The following MPDU1 variants were observed in gnomAD, a reference collection of about 807,000 sequenced individuals.
MPDU1 encodes the protein mannose-P-dolichol utilization defect 1, also known as mannose-P-dolichol utilization defect 1 protein.
MPDU1 carries 18 observed loss-of-function variants against 27.6 expected under a neutral mutation model. The observed-to-expected ratio is 0.65, with a 90% CI of 0.45 to 0.97. MPDU1 has a LOEUF of 0.97. MPDU1 is among the 50% of genes least tolerant of loss of function. The pLI is 0.00. For missense variants in MPDU1, 279 were observed against 297.4 expected (o/e 0.94, Z 0.46); for synonymous variants, 142 against 131.1 (o/e 1.08, Z -0.57).
At position 7,586,778 on chromosome 17, in the gene MPDU1, G is replaced by T. The variant is rs1192077907; in HGVS notation, c.388+1G>T. 2 of 1,614,086 alleles carry T rather than the reference G, an allele frequency of 1.2e-6. No homozygotes were observed. The highest frequency in any genetic ancestry group is 8.5e-7 in the Non-Finnish European group (1 of 1,179,988). Reference sequence around the variant, plus strand: ...CACTACAGAGGACAGACTGTGAAAGGTGCTGGGGACTTACCCAAGAGCAGG... The same window carrying T: ...CACTACAGAGGACAGACTGTGAAAGTTGCTGGGGACTTACCCAAGAGCAGG... On this transcript the variant is annotated splice_donor_variant, in intron 4 of 6. Coordinates refer to ENST00000250124, the MANE Select transcript of MPDU1 (RefSeq NM_004870.4). LOFTEE classifies it high-confidence loss of function.
In MPDU1 at chr17:7,586,895, C is replaced by A. The variant is rs752756418; in HGVS notation, c.389-4C>A. 1 of 1,613,830 alleles carries A rather than the reference C, an allele frequency of 6.2e-7. No individual in the cohort carries two copies. Among genetic ancestry groups the A allele is most frequent in the Non-Finnish European group, 8.5e-7 (1 of 1,179,946 alleles). On this transcript the variant is annotated splice_polypyrimidine_tract_variant and splice_region_variant and intron_variant, in intron 4 of 6. Transcript: ENST00000250124. ...GACAAGGACTCCTGTCTCCCCACCC[C>A]TAGGTGTCGCTTTCCTCGCTTGCTA...
rs1372905442 is a variant in MPDU1, at chr17:7,587,555, C to T, written c.*4C>T. ...CAAGCAGAAAAAGGCGCAGTAGAGC[C>T]AGCTACTGGAGTCATTCCGTTTCCA... On this transcript the variant is annotated 3_prime_UTR_variant, in exon 7 of 7. Transcript: ENST00000250124. The T allele has an allele frequency of 1.9e-6, 3 of 1,613,626 alleles. No homozygotes were observed. In the South Asian group the frequency reaches 3.3e-5, roughly 18 times the overall value.
rs149675859 is a variant in MPDU1, at chr17:7,587,190, C to T, written c.537C>T (p.Asn179=). Residue 179 remains asparagine, a synonymous_variant, in exon 6 of 7, where the codon AAC becomes AAT. Transcript: ENST00000250124. The part of the protein sequence containing the change: ...RLLQAATNYH[N]GHTGQLSAIT... ...TCCAGGCAGCCACCAACTACCACAA[C>T]GGGCACACAGGCCAGCTCTCAGCCA... 121 of 1,614,112 alleles carry T rather than the reference C, an allele frequency of 7.5e-5. No homozygotes were observed. In the African/African-American group the frequency reaches 1.2e-3, roughly 16 times the overall value.
intron 3 of MPDU1, 27 bp downstream of exon 3, chr17:7,586,105 G>T (rs1188380051): frequency 1.2e-6 from 2 of 1,612,324 alleles, no homozygotes; most frequent in Admixed American, 1.7e-5. Context: ...TCCACCCCAA[G>T]GGTAATACCC....
In MPDU1 at chr17:7,586,092, C is replaced by T; in HGVS notation, c.302+14C>T. 2 of 1,612,968 alleles carry T rather than the reference C, an allele frequency of 1.2e-6. No homozygotes were observed. Among genetic ancestry groups the T allele is most frequent in the Non-Finnish European group, 1.7e-6 (2 of 1,179,922 alleles). On this transcript the variant is annotated intron_variant, in intron 3 of 6. Coordinates refer to ENST00000250124, the MANE Select transcript of MPDU1 (RefSeq NM_004870.4). ...CTTCCCATTCAGGTGAGGGGCCCACCCTTCCACCCCAAGGGTAATACCCAC... is the reference window on the plus strand; with the variant it reads ...CTTCCCATTCAGGTGAGGGGCCCACTCTTCCACCCCAAGGGTAATACCCAC...
At position 7,586,733 on chromosome 17, in the gene MPDU1, C is replaced by T. The variant is rs1393349083; in HGVS notation, c.344C>T (p.Thr115Ile). The T allele has an allele frequency of 1.2e-6, 2 of 1,614,046 alleles. No homozygotes were observed. The highest frequency in any genetic ancestry group is 2.7e-5 in the African/African-American group (2 of 74,910). The change falls in exon 4 of 7, where the codon ACC (threonine) becomes ATC (isoleucine). Residue 115 changes from threonine to isoleucine, a missense_variant. Transcript: ENST00000250124. ...EALFLMLQTI[T>I]ICFLVMHYRG... ...TTATTCCTGATGCTCCAGACGATCA[C>T]CATCTGCTTCCTGGTCATGCACTAC...
chr17:7,586,558 G>A (rs992558758), intron 3 of MPDU1, 134 bp from the exon 4 acceptor site: 4 of 806,262 alleles, frequency 5.0e-6, no homozygotes, highest in African/African-American at 3.4e-5. Flanking sequence ...CCACGATTCA[G>A]AATGAGCCAG....
At chr17:7,584,389 C>G in intron 1 of MPDU1, 4 of 374,884 alleles carry the variant, frequency 1.1e-5, no homozygotes, top group Non-Finnish European at 2.0e-5. Context: ...TGCTCATAGT[C>G]TGATTTCGGA....
chr17:7,587,706 T>C lies in MPDU1; in HGVS notation c.*155T>C. ...GTTTTCTTTTAGTGGAAACAAATGGTTGATGGATCCAGATCCTTAGAAAAG... is the reference window on the plus strand; with the variant it reads ...GTTTTCTTTTAGTGGAAACAAATGGCTGATGGATCCAGATCCTTAGAAAAG... On this transcript the variant is annotated 3_prime_UTR_variant, in exon 7 of 7. Transcript: ENST00000250124. The C allele has an allele frequency of 9.1e-7, 1 of 1,098,516 alleles. No homozygotes were observed. Among genetic ancestry groups the C allele is most frequent in the Non-Finnish European group, 1.3e-6 (1 of 743,624 alleles). The allele number at this position is 1,098,516 out of a possible 1,614,324, so 68.0% of individuals were successfully genotyped here. A position where few individuals can be genotyped will look rare whatever the true frequency, so the allele number is the denominator to read the frequency against.
chr17:7,587,537 A>T lies in MPDU1; in HGVS notation c.730A>T (p.Lys244Ter). The T allele has an allele frequency of 6.2e-7, 1 of 1,612,982 alleles. No homozygotes were observed. The highest frequency in any genetic ancestry group is 1.3e-5 in the African/African-American group (1 of 74,824). Residue 244 changes from lysine (K) to a stop codon, truncating the protein, a stop_gained, in exon 7 of 7, where the codon AAA becomes TAA. Coordinates refer to ENST00000250124, the MANE Select transcript of MPDU1 (RefSeq NM_004870.4). LOFTEE classifies it high-confidence loss of function. ...YWNAKPPHKQ[K>*]KAQ ...GAATGCAAAGCCTCCCCACAAGCAG[A>T]AAAAGGCGCAGTAGAGCCAGCTACT...
chr17:7,585,679 C>T, intron 1 of MPDU1, 53 bp from the exon 2 acceptor site: 2 of 1,583,434 alleles, frequency 1.3e-6, no homozygotes, highest in Non-Finnish European at 1.7e-6. Context: ...GCTTCAAGCC[C>T]TGGCCTGGGT....
Position 7,587,801 on chromosome 17 carries a change from G to A in MPDU1, c.*250G>A. On this transcript the variant is annotated 3_prime_UTR_variant, in exon 7 of 7. Transcript: ENST00000250124. ...GAGTGCTTTCGTAAGCCCTGTACATGTACTATTAATTCAGTCATTCAGCCA... is the reference window on the plus strand; with the variant it reads ...GAGTGCTTTCGTAAGCCCTGTACATATACTATTAATTCAGTCATTCAGCCA... The A allele has an allele frequency of 1.6e-6, 1 of 609,570 alleles. No homozygotes were observed. Among genetic ancestry groups the A allele is most frequent in the Non-Finnish European group, 3.1e-6 (1 of 327,228 alleles). 37.8% of individuals were successfully genotyped at this position (609,570 alleles called of 1,614,324 possible).
Position 7,583,928 on chromosome 17 carries a change from C to G in MPDU1, c.66C>G (p.Cys22Trp), listed in dbSNP as rs1388629959. ...TGCCGATTCTTTTACCTGAGAAATG[C>G]TACGACCAACTTTTCGTTCAGTGGG... ...LLVPILLPEKCYDQLFVQWDL... is the reference protein window; with the variant it reads ...LLVPILLPEKWYDQLFVQWDL... The change falls in exon 1 of 7, where the codon TGC becomes TGG. Residue 22 changes from cysteine to tryptophan, a missense_variant. Physicochemically the swap from Cys to Trp is radical, Grantham distance 215. Transcript: ENST00000250124. The G allele has an allele frequency of 2.5e-6, 4 of 1,614,238 alleles. No homozygotes were observed. The highest frequency in any genetic ancestry group is 3.4e-6 in the Non-Finnish European group (4 of 1,180,056).
rs566030367 is a variant in MPDU1 at position 7,586,676 on chromosome 17, A to G, written c.303-16A>G. The G allele has an allele frequency of 8.7e-6, 14 of 1,612,814 alleles. No individual in the cohort carries two copies. The highest frequency in any genetic ancestry group is 2.7e-5 in the African/African-American group (2 of 74,776). ...TCTAGGCCCGCCTTTCTTCCTCCCAACTCTTGACTCTGCAGCTCTTGGGGT... is the reference window on the plus strand; with the variant it reads ...TCTAGGCCCGCCTTTCTTCCTCCCAGCTCTTGACTCTGCAGCTCTTGGGGT... On this transcript the variant is annotated splice_polypyrimidine_tract_variant and intron_variant, in intron 3 of 6. Coordinates refer to ENST00000250124, the MANE Select transcript of MPDU1 (RefSeq NM_004870.4).
intron 1 of MPDU1, among the ~76,000 whole-genome samples, chr17:7,584,621 C>CAGGG (rs2150934032): frequency 6.6e-6 from 1 of 152,314 alleles, no homozygotes; most frequent in East Asian, 1.9e-4. Context: ...TGTGGATGGC[C>CAGGG]AGGGCATAAA....
Position 7,588,055 on chromosome 17 carries a change from A to G in MPDU1, c.*504A>G, listed in dbSNP as rs2071615090. On this transcript the variant is annotated 3_prime_UTR_variant, in exon 7 of 7. Coordinates refer to ENST00000250124, the MANE Select transcript of MPDU1 (RefSeq NM_004870.4). Reference sequence around the variant, plus strand: ...AAGGGGGACGGAGAATGACTCAGGCAGGGCCCCAGGGTGGGGTGAGGAGGT... The same window carrying G: ...AAGGGGGACGGAGAATGACTCAGGCGGGGCCCCAGGGTGGGGTGAGGAGGT... 1.9e-6 allele frequency: 1 copy of G among 522,750 alleles called. No individual in the cohort carries two copies. The highest frequency in any genetic ancestry group is 3.7e-6 in the Non-Finnish European group (1 of 271,996). The allele number at this position is 522,750 out of a possible 1,614,324, so 32.4% of individuals were successfully genotyped here.
intron 5 of MPDU1, 45 bp downstream of exon 5, chr17:7,587,062 G>T: frequency 6.6e-7 from 1 of 1,526,104 alleles, no homozygotes; most frequent in Non-Finnish European, 9.1e-7. Context: ...GGGCAGGGTG[G>T]GGGGGAAGAG....
chr17:7,584,618 G>C lies in MPDU1; in HGVS notation c.103+653G>C, dbSNP rs551597121. On this transcript the variant is annotated intron_variant, in intron 1 of 6. Transcript: ENST00000250124. ...CTTCAAGGCTAGAGAAGTTGTGGAT[G>C]GCCAGGGCATAAAAGCAAGCCTTGA... Among the ~76,000 whole-genome samples, 5 of 152,316 alleles carry C rather than the reference G, an allele frequency of 3.3e-5. No homozygotes were observed. In the East Asian group the frequency reaches 9.6e-4, roughly 29 times the overall value.
rs757375576 is a variant in MPDU1, at chr17:7,587,562, T to C, written c.*11T>C. 2 of 1,613,526 alleles carry C rather than the reference T, an allele frequency of 1.2e-6. No homozygotes were observed. On this transcript the variant is annotated 3_prime_UTR_variant, in exon 7 of 7. Coordinates refer to ENST00000250124, the MANE Select transcript of MPDU1 (RefSeq NM_004870.4). ...AAAAAGGCGCAGTAGAGCCAGCTACTGGAGTCATTCCGTTTCCACTCATTC... is the reference window on the plus strand; with the variant it reads ...AAAAAGGCGCAGTAGAGCCAGCTACCGGAGTCATTCCGTTTCCACTCATTC...
Sources: allele counts gnomAD v4.1 joint callset (sites outside exome capture counted in the v4.1 genomes callset), GRCh38; gene constraint gnomAD v4.1.1; transcripts MANE v1.5; gene names NCBI Gene and HGNC (gene_info 2026-07-23, HGNC 2026-07-21).